Variants in CAPSL observed in about 807,000 individuals in gnomAD.
The protein encoded by CAPSL is calcyphosine like.
Under a neutral mutation model 21.3 loss-of-function variants are expected in CAPSL, and 17 were observed. The ratio of observed to expected loss-of-function variants is 0.80; its 90% CI spans 0.55 to 1.20. The LOEUF is 1.20. CAPSL is among the 50% of genes most tolerant of loss of function. The probability of loss-of-function intolerance (pLI) is 0.00; values close to 1 mark genes in which losing one functional copy is unlikely to be tolerated. For missense variants in CAPSL, 289 were observed against 259.3 expected (o/e 1.11, Z -0.79); for synonymous variants, 102 against 89.3 (o/e 1.14, Z -0.80).
At chr5:35,936,093 G>T (rs973077209) in intron 1 of CAPSL, among the ~76,000 whole-genome samples, 1 of 151,912 alleles carries the variant, frequency 6.6e-6, no homozygotes, top group African/African-American at 2.4e-5. Flanking sequence ...CCAAACTTTT[G>T]CCACTCCAGA....
intron 4 of CAPSL, among the ~76,000 whole-genome samples, chr5:35,906,051 T>C (rs760131221): frequency 6.6e-6 from 1 of 152,202 alleles, no homozygotes; most frequent in South Asian, 2.1e-4. Flanking sequence ...ACAAAGTAAG[T>C]GGATCATTTT....
At chr5:35,917,293 T>C (rs1738415620) in intron 2 of CAPSL, among the ~76,000 whole-genome samples, 1 of 152,224 alleles carries the variant, frequency 6.6e-6, no homozygotes, top group Non-Finnish European at 1.5e-5. Flanking sequence ...TCAACCATTG[T>C]GGAAGTCAGT....
chr5:35,937,580 G>A (rs1183575595), intron 1 of CAPSL, among the ~76,000 whole-genome samples: 3 of 152,120 alleles, frequency 2.0e-5, no homozygotes, highest in Non-Finnish European at 4.4e-5. Context: ...ATTCGTTTTC[G>A]AATTACTTGC....
At chr5:35,920,690 G>T (rs1325123665) in intron 2 of CAPSL, among the ~76,000 whole-genome samples, 1 of 152,092 alleles carries the variant, frequency 6.6e-6, no homozygotes, top group African/African-American at 2.4e-5. Context: ...CCCTCTCATT[G>T]TCCTGGTAGG....
intron 2 of CAPSL, 86 bp from the exon 3 acceptor site, chr5:35,910,629 G>T (rs372667859): frequency 1.0e-4 from 103 of 1,025,064 alleles, no homozygotes; most frequent in African/African-American, 5.0e-4. Flanking sequence ...CACACTCAAG[G>T]TTTCGTCAAA....
chr5:35,908,335 C>A (rs1738085187), intron 4 of CAPSL, among the ~76,000 whole-genome samples: 1 of 152,170 alleles, frequency 6.6e-6, no homozygotes, highest in East Asian at 1.9e-4. Flanking sequence ...AATACAGGGT[C>A]TGTAACATGC....
At position 35,926,075 on chromosome 5, in the gene CAPSL, CAAA is replaced by C. The variant is rs34711454; in HGVS notation, c.1-4958_1-4956del. Among the ~76,000 whole-genome samples the C allele has an allele frequency of 3.6e-3, 371 of 102,878 alleles. 3 individuals are homozygous for C. Among genetic ancestry groups the C allele is most frequent in the African/African-American group, 0.012 (339 of 27,590 alleles). The allele number at this position is 102,878 out of a possible 152,430, so 67.5% of individuals were successfully genotyped here. On this transcript the variant is annotated intron_variant, in intron 1 of 4. Coordinates refer to ENST00000651391, the MANE Select transcript of CAPSL (RefSeq NM_001042625.2). ...TGGGCGGCTGAGCTAGACTCCGTCTCAAAAAAAAAAAAAAAAAAACGAAAAAAC... is the reference window on the plus strand; with the variant it reads ...TGGGCGGCTGAGCTAGACTCCGTCTCAAAAAAAAAAAAAAAACGAAAAAAC...
intron 1 of CAPSL, among the ~76,000 whole-genome samples, chr5:35,931,751 T>C (rs942287648): frequency 2.6e-5 from 4 of 152,146 alleles, no homozygotes; most frequent in Non-Finnish European, 5.9e-5. Context: ...TATAGAGAAA[T>C]AAATAAATAA....
chr5:35,912,956 T>C (rs896478824), intron 2 of CAPSL, among the ~76,000 whole-genome samples: 1 of 151,916 alleles, frequency 6.6e-6, no homozygotes, highest in African/African-American at 2.4e-5. Flanking sequence ...GTTAAAAACC[T>C]TGAAAAAAAA....
intron 1 of CAPSL, among the ~76,000 whole-genome samples, chr5:35,927,844 C>T (rs184313374): frequency 6.2e-4 from 94 of 152,330 alleles, no homozygotes; most frequent in Non-Finnish European, 1.0e-3. Flanking sequence ...CTAGCTATTA[C>T]TACACGGTAG....
intron 2 of CAPSL, among the ~76,000 whole-genome samples, chr5:35,915,426 A>G (rs894438429): frequency 6.6e-6 from 1 of 152,208 alleles, no homozygotes; most frequent in Non-Finnish European, 1.5e-5. Flanking sequence ...ATTTTAGACC[A>G]ATATCCCTGG....
intron 1 of CAPSL, among the ~76,000 whole-genome samples, chr5:35,938,328 T>A (rs1213464708): frequency 6.6e-6 from 1 of 152,076 alleles, no homozygotes; most frequent in Non-Finnish European, 1.5e-5. Flanking sequence ...ATCTAAGCAT[T>A]TTTTTTGCAA....
At chr5:35,918,405 C>T (rs954707103) in intron 2 of CAPSL, among the ~76,000 whole-genome samples, 1 of 152,068 alleles carries the variant, frequency 6.6e-6, no homozygotes, top group Non-Finnish European at 1.5e-5. Context: ...GGGAGTTCAA[C>T]AATGAGATTA....
intron 2 of CAPSL, among the ~76,000 whole-genome samples, chr5:35,914,661 C>T (rs1351929186): frequency 5.9e-5 from 9 of 151,834 alleles, no homozygotes; most frequent in African/African-American, 1.5e-4. Flanking sequence ...TTGAAACCAA[C>T]GAGAACAAAG....
chr5:35,935,602 TGAGATTACA>T (rs1269046828), intron 1 of CAPSL, among the ~76,000 whole-genome samples: 2 of 152,200 alleles, frequency 1.3e-5, no homozygotes, highest in African/African-American at 4.8e-5. Context: ...TCCAAAATGC[TGAGATTACA>T]GACATGAGCC....
chr5:35,936,406 A>G (rs1165714595), intron 1 of CAPSL, among the ~76,000 whole-genome samples: 1 of 152,036 alleles, frequency 6.6e-6, no homozygotes, highest in African/African-American at 2.4e-5. Flanking sequence ...CCCTCTAGCT[A>G]TCACCCCTCA....
intron 2 of CAPSL, 40 bp from the exon 3 acceptor site, chr5:35,910,583 A>G (rs773472513): frequency 7.0e-7 from 1 of 1,426,894 alleles, no homozygotes; most frequent in African/African-American, 1.4e-5. Context: ...GAAATGTACA[A>G]ATAACAGGTG....
At chr5:35,911,040 G>A (rs1738208371) in intron 2 of CAPSL, among the ~76,000 whole-genome samples, 1 of 152,146 alleles carries the variant, frequency 6.6e-6, no homozygotes, top group African/African-American at 2.4e-5. Context: ...TCAAGATCAA[G>A]GCTGGAACAA....
At chr5:35,923,634 C>T (rs1403838979) in intron 1 of CAPSL, among the ~76,000 whole-genome samples, 1 of 150,760 alleles carries the variant, frequency 6.6e-6, no homozygotes, top group Non-Finnish European at 1.5e-5. Flanking sequence ...ATGCTAAGTA[C>T]AAGAAGCCAG....
Sources: gnomAD v4.1 joint callset for allele counts (sites outside exome capture counted in the v4.1 genomes callset) on GRCh38, gnomAD v4.1.1 for gene constraint, MANE v1.5 for transcripts, NCBI Gene and HGNC (gene_info 2026-07-23, HGNC 2026-07-21) for gene names.